OCA2: variants seen among roughly 807,000 people sequenced by gnomAD.
OCA2 encodes P protein.
Under a neutral mutation model 100.2 loss-of-function variants are expected in OCA2, and 77 were observed. That is an observed-to-expected ratio of 0.77 (90% confidence interval 0.64 to 0.93). The LOEUF is 0.93. OCA2 is among the 40% of genes least tolerant of loss of function. OCA2 has a pLI of 0.00. For missense variants in OCA2, 1,062 were observed against 1,089.1 expected, an observed-to-expected ratio of 0.98 and a Z score of 0.35; for synonymous variants, 432 against 439.2, an observed-to-expected ratio of 0.98 and a Z score of 0.21.
chr15:27,906,609 T>C (rs1450297280), intron 19 of OCA2, among the ~76,000 whole-genome samples: 5 of 152,016 alleles, frequency 3.3e-5, no homozygotes, highest in Non-Finnish European at 5.9e-5. Flanking sequence ...CTAGTAAAAC[T>C]ATAAGATTTC....
At chr15:27,861,172 G>A (rs2036115689) in intron 21 of OCA2, among the ~76,000 whole-genome samples, 1 of 152,186 alleles carries the variant, frequency 6.6e-6, no homozygotes, top group South Asian at 2.1e-4. Context: ...ACCTTTGAGG[G>A]GCAGCTGGCC....
intron 1 of OCA2, among the ~76,000 whole-genome samples, chr15:28,083,739 A>G (rs1001452765): frequency 6.6e-6 from 1 of 152,136 alleles, no homozygotes; most frequent in Non-Finnish European, 1.5e-5. Context: ...ATGACAAGCC[A>G]AGAGAGAGAG....
At chr15:27,885,258 C>T (rs745354570) in intron 19 of OCA2, among the ~76,000 whole-genome samples, 1 of 152,168 alleles carries the variant, frequency 6.6e-6, no homozygotes, top group Non-Finnish European at 1.5e-5. Flanking sequence ...TTATATGCAA[C>T]CTATAAATTA....
chr15:28,031,960 G>A lies in OCA2; in HGVS notation c.326+105C>T, dbSNP rs2042917384. 4.8e-6 allele frequency: 4 copies of A among 833,918 alleles called. No homozygotes were observed. In the African/African-American group the frequency reaches 5.0e-5, roughly 10 times the overall value. The allele number at this position is 833,918 out of a possible 1,614,324, so 51.7% of individuals were successfully genotyped here. On this transcript the variant is annotated intron_variant, in intron 3 of 23. Transcript: ENST00000354638. ...AATAAATTGTCAAGGATCTGGCAGA[G>A]GTTAAACATGTCCAATAAAAATTCG...
intron 14 of OCA2, among the ~76,000 whole-genome samples, chr15:27,972,496 T>C (rs1266772034): frequency 1.3e-5 from 2 of 152,268 alleles, no homozygotes; most frequent in African/African-American, 4.8e-5. Context: ...TTTTACCACA[T>C]CTGTGCCAAC....
intron 4 of OCA2, among the ~76,000 whole-genome samples, chr15:28,026,204 G>C (rs1322329989): frequency 6.6e-6 from 1 of 152,206 alleles, no homozygotes; most frequent in Non-Finnish European, 1.5e-5. Context: ...TTTTAGTTCA[G>C]TGGCAAGCTC....
In OCA2 at chr15:27,957,060, C is replaced by T. The variant is rs951563910; in HGVS notation, c.1784+528G>A. Among the ~76,000 whole-genome samples the T allele has an allele frequency of 4.6e-5, 7 of 152,224 alleles. No individual in the cohort carries two copies. The highest frequency in any genetic ancestry group is 1.7e-4 in the African/African-American group (7 of 41,460). ...CTTCCAGAACAAAGACTGCTTGGAA[C>T]TCAGCAACATGTCATAGCAAGGAGA... On this transcript the variant is annotated intron_variant, in intron 16 of 23. Transcript: ENST00000354638. The surrounding 1 kb of genome is among the most constrained non-coding windows in gnomAD (Gnocchi z 4.3).
the OCA2 span, among the ~76,000 whole-genome samples, chr15:27,740,562 C>T: frequency 6.6e-6 from 1 of 152,108 alleles, no homozygotes; most frequent in African/African-American, 2.4e-5. Context: ...ACATGCAGTG[C>T]AAGTATGTAT....
At chr15:27,830,050 T>G (rs1293939703) in intron 23 of OCA2, among the ~76,000 whole-genome samples, 2 of 152,292 alleles carry the variant, frequency 1.3e-5, no homozygotes, top group Non-Finnish European at 1.5e-5. Flanking sequence ...TTTAATTAAT[T>G]GAAATGATAT....
intron 2 of OCA2, among the ~76,000 whole-genome samples, chr15:28,040,464 CAAACT>C (rs1340994825): frequency 6.6e-6 from 1 of 151,968 alleles, no homozygotes; most frequent in African/African-American, 2.4e-5. Flanking sequence ...AAAAGGAGAA[CAAACT>C]AAACTAAAAA....
chr15:28,025,807 A>G (rs1467867268), intron 4 of OCA2, among the ~76,000 whole-genome samples: 1 of 152,276 alleles, frequency 6.6e-6, no homozygotes, highest in Non-Finnish European at 1.5e-5. Flanking sequence ...GTATGTGTGT[A>G]GAATGAAATA....
intron 19 of OCA2, among the ~76,000 whole-genome samples, chr15:27,907,821 C>T (rs2038235206): frequency 1.3e-5 from 2 of 152,040 alleles, no homozygotes; most frequent in Non-Finnish European, 2.9e-5. Flanking sequence ...ATTTAGAAAG[C>T]TTAAACAGAC....
At chr15:27,817,874 A>G (rs1283851586) in intron 23 of OCA2, among the ~76,000 whole-genome samples, 1 of 152,192 alleles carries the variant, frequency 6.6e-6, no homozygotes, top group Non-Finnish European at 1.5e-5. Flanking sequence ...GTGTCTGTGC[A>G]TGTGTATGTG....
chr15:28,011,873 G>T (rs1339111106), intron 9 of OCA2, among the ~76,000 whole-genome samples: 1 of 146,896 alleles, frequency 6.8e-6, no homozygotes, highest in African/African-American at 2.5e-5. Flanking sequence ...GCCGAGATTG[G>T]ACCATTGCAC....
chr15:28,066,387 G>C (rs866781047), intron 2 of OCA2, among the ~76,000 whole-genome samples: 1 of 152,006 alleles, frequency 6.6e-6, no homozygotes, highest in Non-Finnish European at 1.5e-5. Flanking sequence ...AAACCTAAAC[G>C]ATCAGTTCAA....
chr15:27,896,155 G>T, intron 19 of OCA2: 1 of 972,210 alleles, frequency 1.0e-6, no homozygotes, highest in Non-Finnish European at 1.6e-6. Flanking sequence ...AGAACTACCA[G>T]TGGCAATGAA....
chr15:27,829,081 G>A (rs1029086767), intron 23 of OCA2, among the ~76,000 whole-genome samples: 1 of 152,184 alleles, frequency 6.6e-6, no homozygotes, highest in Non-Finnish European at 1.5e-5. Context: ...GAAAAACCAG[G>A]ATTCGGATGT....
At chr15:27,812,980 C>T (rs2034139366) in intron 23 of OCA2, among the ~76,000 whole-genome samples, 2 of 152,144 alleles carry the variant, frequency 1.3e-5, no homozygotes, top group Admixed American at 6.5e-5. Flanking sequence ...CAGAGACTCC[C>T]TTCTGCCCCC....
At chr15:27,871,829 G>C (rs765153751) in intron 20 of OCA2, 34 bp downstream of exon 20, 14 of 1,366,696 alleles carry the variant, frequency 1.0e-5, no homozygotes, top group Non-Finnish European at 1.5e-5. Flanking sequence ...AAGAACAGTG[G>C]CTGGAGTGCC....
Sources: allele counts gnomAD v4.1 joint callset (sites outside exome capture counted in the v4.1 genomes callset), GRCh38; gene constraint gnomAD v4.1.1; non-coding constraint Gnocchi (gnomAD v3.1); transcripts MANE v1.5; gene names NCBI Gene and HGNC (gene_info 2026-07-23, HGNC 2026-07-21).